The following PARD3B variants were observed in gnomAD, a reference collection of about 807,000 sequenced individuals.
The protein encoded by PARD3B is par-3 family cell polarity regulator beta, also known as partitioning defective 3 homolog B.
In PARD3B, 103 loss-of-function variants were observed where a neutral mutation model predicts 130.2. The observed-to-expected ratio is 0.79, with a 90% CI of 0.67 to 0.93. PARD3B has a LOEUF of 0.93. Ranked by LOEUF, PARD3B falls within the 40% of genes least tolerant of loss-of-function variation. The pLI, the probability that PARD3B is intolerant of heterozygous loss-of-function variation, is 0.00. For synonymous variants in PARD3B, 583 were observed against 553.2 expected (o/e 1.05, Z -0.76); for missense variants, 1,609 against 1,499.2 (o/e 1.07, Z -1.21).
intron 15 of PARD3B, among the ~76,000 whole-genome samples, chr2:205,219,517 G>A (rs1387517363): frequency 6.6e-6 from 1 of 152,158 alleles, no homozygotes; most frequent in Non-Finnish European, 1.5e-5. Context: ...AGTAGATTCT[G>A]GGCAGAAATA....
Position 205,259,825 on chromosome 2 carries a change from G to A in PARD3B, c.2185+14003G>A, listed in dbSNP as rs138150157. Among the ~76,000 whole-genome samples, 692 of 152,044 alleles carry A rather than the reference G, an allele frequency of 4.6e-3. 3 individuals are homozygous for A. Among genetic ancestry groups the A allele is most frequent in the African/African-American group, 0.016 (647 of 41,474 alleles). On this transcript the variant is annotated intron_variant, in intron 16 of 22. Transcript: ENST00000406610. Reference sequence around the variant, plus strand: ...AAATGCTGGAGACCAGAAATGCTTCGGATTTCAAATTTTTCTGGATTTTGG... The same window carrying A: ...AAATGCTGGAGACCAGAAATGCTTCAGATTTCAAATTTTTCTGGATTTTGG...
At chr2:204,838,381 G>A (rs573924784) in intron 2 of PARD3B, among the ~76,000 whole-genome samples, 30 of 151,082 alleles carry the variant, frequency 2.0e-4, no homozygotes, top group African/African-American at 7.3e-4. Flanking sequence ...GTGTGTGTGT[G>A]TGTGTGTGTC....
chr2:204,691,692 G>T (rs1286458643), intron 2 of PARD3B, among the ~76,000 whole-genome samples: 7 of 152,038 alleles, frequency 4.6e-5, no homozygotes, highest in African/African-American at 1.7e-4. Flanking sequence ...ATGATACTAT[G>T]GTAGTGCTAT....
intron 21 of PARD3B, among the ~76,000 whole-genome samples, chr2:205,507,370 A>C (rs1002265500): frequency 6.6e-6 from 1 of 150,704 alleles, no homozygotes; most frequent in African/African-American, 2.4e-5. Flanking sequence ...ACCCACCACC[A>C]CGCCCGGCTA....
At chr2:205,535,178 A>C (rs2051791065) in intron 21 of PARD3B, among the ~76,000 whole-genome samples, 1 of 152,158 alleles carries the variant, frequency 6.6e-6, no homozygotes, top group Non-Finnish European at 1.5e-5. Flanking sequence ...CGAACTCTGC[A>C]TGAATGGAAA....
At chr2:205,534,112 CTAT>C (rs1292897433) in intron 21 of PARD3B, among the ~76,000 whole-genome samples, 1 of 148,802 alleles carries the variant, frequency 6.7e-6, no homozygotes, top group Non-Finnish European at 1.5e-5. Context: ...TGGTTTATAA[CTAT>C]TATTTCACTT....
intron 14 of PARD3B, among the ~76,000 whole-genome samples, chr2:205,190,505 A>G (rs1286922067): frequency 6.6e-6 from 1 of 152,216 alleles, no homozygotes; most frequent in Non-Finnish European, 1.5e-5. Flanking sequence ...GTCTTCACTA[A>G]AAGTGAAAGG....
At chr2:205,255,487 C>T (rs1403245649) in intron 16 of PARD3B, among the ~76,000 whole-genome samples, 1 of 152,090 alleles carries the variant, frequency 6.6e-6, no homozygotes. Context: ...CACTATCTAC[C>T]TGGCGATAGA....
Position 205,440,576 on chromosome 2 carries a change from C to T in PARD3B, c.2948C>T (p.Pro983Leu), listed in dbSNP as rs1409510128. 1 of 1,614,074 alleles carries T rather than the reference C, an allele frequency of 6.2e-7. No homozygotes were observed. Among genetic ancestry groups the T allele is most frequent in the South Asian group, 1.1e-5 (1 of 91,084 alleles). The change falls in exon 20 of 23, where the codon CCT becomes CTT. Residue 983 changes from proline (P) to leucine (L), a missense_variant. By Grantham distance (98) the Pro-to-Leu change is moderately conservative. Transcript: ENST00000406610. The surrounding 1 kb of genome is among the most constrained non-coding windows in gnomAD (Gnocchi z 4.2). ...CCTCGAGCTGGACCATTTGGTTACCCTCGGGATGGCCATCCACTGTCTCCA... is the reference window on the plus strand; with the variant it reads ...CCTCGAGCTGGACCATTTGGTTACCTTCGGGATGGCCATCCACTGTCTCCA... Reference protein sequence around the residue: ...SPPRAGPFGYPRDGHPLSPER... With the variant: ...SPPRAGPFGYLRDGHPLSPER...
chr2:205,166,864 C>A (rs1040030295), intron 11 of PARD3B, among the ~76,000 whole-genome samples: 2 of 152,214 alleles, frequency 1.3e-5, no homozygotes, highest in South Asian at 4.1e-4. Flanking sequence ...GATAATATCC[C>A]AGGAGGCCGT....
chr2:205,165,705 G>T (rs10189999), intron 11 of PARD3B, among the ~76,000 whole-genome samples: 2 of 149,384 alleles, frequency 1.3e-5, no homozygotes, highest in African/African-American at 2.5e-5. Flanking sequence ...GCAACAAGAG[G>T]GAGAGACTCT....
chr2:205,405,561 A>G lies in PARD3B; in HGVS notation c.2741+4438A>G, dbSNP rs1460790866. Reference sequence around the variant, plus strand: ...ATTAGCTATTTGAGAATGGTACCCAAACATTACTGATGAATATCCCATCAA... The same window carrying G: ...ATTAGCTATTTGAGAATGGTACCCAGACATTACTGATGAATATCCCATCAA... On this transcript the variant is annotated intron_variant, in intron 19 of 22. Coordinates refer to ENST00000406610, the MANE Select transcript of PARD3B (RefSeq NM_001302769.2). This position sits in a 1 kb window ranked among gnomAD's most constrained non-coding sequence, Gnocchi z 4.1. 6.6e-6 allele frequency among the ~76,000 whole-genome samples: 1 copy of G among 152,214 alleles called. No homozygotes were observed. Among genetic ancestry groups the G allele is most frequent in the Non-Finnish European group, 1.5e-5 (1 of 68,036 alleles).
At position 204,882,558 on chromosome 2, in the gene PARD3B, T is replaced by C. The variant is rs1324052922; in HGVS notation, c.223-82594T>C. Among the ~76,000 whole-genome samples the C allele has an allele frequency of 6.6e-5, 10 of 152,294 alleles. No individual in the cohort carries two copies. In the East Asian group the frequency reaches 1.9e-3, roughly 29 times the overall value. On this transcript the variant is annotated intron_variant, in intron 2 of 22. Coordinates refer to ENST00000406610, the MANE Select transcript of PARD3B (RefSeq NM_001302769.2). ...CCTTCACAATGAATTGCTTAATGTA[T>C]TGGTAATCAGACTCCTTGACAAAAC...
At chr2:204,554,572 C>G (rs1402217097) in intron 1 of PARD3B, among the ~76,000 whole-genome samples, 1 of 151,874 alleles carries the variant, frequency 6.6e-6, no homozygotes, top group African/African-American at 2.4e-5. Context: ...ACTTTTCAGT[C>G]TCTTTCCTGT....
At position 205,263,716 on chromosome 2, in the gene PARD3B, G is replaced by A. The variant is rs1044793565; in HGVS notation, c.2185+17894G>A. Among the ~76,000 whole-genome samples the A allele has an allele frequency of 6.0e-5, 9 of 150,922 alleles. 1 individual carries two copies. ...GAAGTACAAAAAAATCAACAAATTAGATCTTCTGAAAATTAAAAATGTTTA... is the reference window on the plus strand; with the variant it reads ...GAAGTACAAAAAAATCAACAAATTAAATCTTCTGAAAATTAAAAATGTTTA... On this transcript the variant is annotated intron_variant, in intron 16 of 22. Transcript: ENST00000406610. This position sits in a 1 kb window ranked among gnomAD's most constrained non-coding sequence, Gnocchi z 4.0.
intron 3 of PARD3B, among the ~76,000 whole-genome samples, chr2:204,978,838 C>T (rs776818269): frequency 2.0e-5 from 3 of 151,782 alleles, no homozygotes; most frequent in Non-Finnish European, 4.4e-5. Flanking sequence ...GTGGTGGGCA[C>T]CTGTAATCCC....
At position 205,234,613 on chromosome 2, in the gene PARD3B, T is replaced by C. The variant is rs147108825; in HGVS notation, c.2141-11165T>C. Among the ~76,000 whole-genome samples the C allele has an allele frequency of 7.4e-3, 1,127 of 152,266 alleles. 17 individuals carry two copies. Among genetic ancestry groups the C allele is most frequent in the African/African-American group, 0.025 (1,057 of 41,542 alleles). ...TAGTCAAAGATTTTGACACTATGTC[T>C]CAATAATTAATAGAACAAGTATACC... is the stretch of plus-strand genomic sequence containing the variant. On this transcript the variant is annotated intron_variant, in intron 15 of 22. Transcript: ENST00000406610.
intron 18 of PARD3B, among the ~76,000 whole-genome samples, chr2:205,330,643 T>C (rs548431723): frequency 4.6e-4 from 70 of 152,318 alleles, no homozygotes; most frequent in African/African-American, 1.5e-3. Context: ...AGTTGTCATT[T>C]AAAAGAGTAT....
intron 2 of PARD3B, among the ~76,000 whole-genome samples, chr2:204,708,902 A>G (rs373954857): frequency 5.3e-5 from 8 of 152,168 alleles, no homozygotes; most frequent in African/African-American, 1.9e-4. Context: ...TAAATTGTCC[A>G]CCTGGACTGT....
Sources: gnomAD v4.1 joint callset for allele counts (sites outside exome capture counted in the v4.1 genomes callset) on GRCh38, gnomAD v4.1.1 for gene constraint, Gnocchi (gnomAD v3.1) non-coding constraint, MANE v1.5 for transcripts, NCBI Gene and HGNC (gene_info 2026-07-23, HGNC 2026-07-21) for gene names.